The following PALLD variants were observed in gnomAD, a reference collection of about 807,000 sequenced individuals.
The protein encoded by PALLD is palladin, cytoskeletal associated protein.
A neutral mutation model predicts 123.5 loss-of-function variants in PALLD; 61 were observed. The ratio of observed to expected loss-of-function variants is 0.49; its 90% confidence interval spans 0.40 to 0.61. The LOEUF (loss-of-function observed/expected upper bound fraction) is 0.61. PALLD is among the 20% of genes least tolerant of loss of function. PALLD has a pLI of 0.00. For missense variants in PALLD, 1,273 were observed against 1,377.0 expected (o/e 0.92, Z 1.20); for synonymous variants, 465 against 496.4 (o/e 0.94, Z 0.84).
At chr4:168,764,703 G>C (rs905797403) in intron 10 of PALLD, among the ~76,000 whole-genome samples, 1 of 152,030 alleles carries the variant, frequency 6.6e-6, no homozygotes, top group East Asian at 1.9e-4. Context: ...ATTCTTCTCA[G>C]ATTCAAAGAT....
chr4:168,616,207 A>AT (rs1774212980), intron 2 of PALLD, among the ~76,000 whole-genome samples: 1 of 152,118 alleles, frequency 6.6e-6, no homozygotes, highest in Admixed American at 6.5e-5. Context: ...AACTTGTTTT[A>AT]TTTTGAATCG....
At chr4:168,603,156 T>G (rs1483929382) in intron 2 of PALLD, among the ~76,000 whole-genome samples, 1 of 152,204 alleles carries the variant, frequency 6.6e-6, no homozygotes, top group African/African-American at 2.4e-5. Flanking sequence ...TATTTATCTC[T>G]AATTTAAGGA....
At chr4:168,771,574 T>C (rs1164976279) in intron 10 of PALLD, among the ~76,000 whole-genome samples, 3 of 151,852 alleles carry the variant, frequency 2.0e-5, no homozygotes, top group African/African-American at 7.3e-5. Context: ...AGTCTGGGCA[T>C]TGACCTTCAC....
At chr4:168,923,466 T>C (rs1761977469) in intron 18 of PALLD, among the ~76,000 whole-genome samples, 1 of 152,200 alleles carries the variant, frequency 6.6e-6, no homozygotes, top group Non-Finnish European at 1.5e-5. Context: ...TTATTCATTC[T>C]CTGAAGTACT....
At chr4:168,795,710 C>CTTT (rs10632080) in intron 10 of PALLD, among the ~76,000 whole-genome samples, 45 of 144,792 alleles carry the variant, frequency 3.1e-4, no homozygotes, top group Admixed American at 1.0e-3. Context: ...CCCTAATTGT[C>CTTT]TTTTTTTTTT....
chr4:168,553,686 T>G (rs1766975979), intron 2 of PALLD, among the ~76,000 whole-genome samples: 1 of 151,762 alleles, frequency 6.6e-6, no homozygotes, highest in African/African-American at 2.4e-5. Flanking sequence ...TTTACCCATT[T>G]TTGTTGTTGT....
At position 168,709,165 on chromosome 4, in the gene PALLD, A is replaced by G. The variant is rs1421269053; in HGVS notation, c.1621+18A>G. ...CACCTCAGGTATGTGAGGAGTAAAA[A>G]AAATGACTGGGTTCTGTTCCCCAGC... On this transcript the variant is annotated intron_variant, in intron 9 of 21. Transcript: ENST00000505667. 1 of 1,613,278 alleles carries G rather than the reference A, an allele frequency of 6.2e-7. No homozygotes were observed. The highest frequency in any genetic ancestry group is 1.7e-5 in the Admixed American group (1 of 60,000).
At chr4:168,774,636 G>A (rs868297988) in intron 10 of PALLD, among the ~76,000 whole-genome samples, 3 of 150,152 alleles carry the variant, frequency 2.0e-5, no homozygotes, top group Non-Finnish European at 4.4e-5. Flanking sequence ...ACTAAGGCAT[G>A]AGAATTGCGT....
At chr4:168,576,481 C>T (rs1283804572) in intron 2 of PALLD, among the ~76,000 whole-genome samples, 4 of 152,036 alleles carry the variant, frequency 2.6e-5, no homozygotes, top group South Asian at 4.2e-4. Context: ...TGAGAACATG[C>T]GGTGTTGTGG....
rs1404049802 is a variant in PALLD, at chr4:168,511,552, C to T, written c.48C>T (p.Asp16=). 5 of 1,614,052 alleles carry T rather than the reference C, an allele frequency of 3.1e-6. No homozygotes were observed. The highest frequency in any genetic ancestry group is 1.7e-5 in the Admixed American group (1 of 60,028). The change falls in exon 2 of 22, where the codon GAC becomes GAT. Residue 16 remains aspartate (D), a synonymous_variant. Transcript: ENST00000505667. ...SHESFYDSLS[D]MQEESKNTDF... is the part of the protein sequence containing the mutation. The stretch of plus-strand genomic sequence containing the variant: ...AGTCCTTCTATGACTCCCTCTCAGA[C>T]ATGCAGGAAGAAAGCAAGAATACTG...
chr4:168,646,972 T>TA (rs1417882264), intron 2 of PALLD, among the ~76,000 whole-genome samples: 5 of 152,330 alleles, frequency 3.3e-5, no homozygotes, highest in Non-Finnish European at 7.3e-5. Flanking sequence ...TTATAACACA[T>TA]ACAACCAATA....
intron 2 of PALLD, among the ~76,000 whole-genome samples, chr4:168,554,115 C>T (rs1165736184): frequency 6.6e-6 from 1 of 152,162 alleles, no homozygotes; most frequent in South Asian, 2.1e-4. Flanking sequence ...GGACATCCTT[C>T]GGCTTGTACA....
chr4:168,626,112 A>C (rs1217760286), intron 2 of PALLD, among the ~76,000 whole-genome samples: 1 of 141,870 alleles, frequency 7.0e-6, no homozygotes, highest in East Asian at 2.1e-4. Context: ...AAATACAAAA[A>C]AAAATTAGCC....
chr4:168,622,979 A>C (rs1461411913), intron 2 of PALLD, among the ~76,000 whole-genome samples: 1 of 152,246 alleles, frequency 6.6e-6, no homozygotes, highest in African/African-American at 2.4e-5. Flanking sequence ...AACAGCATTA[A>C]CATTTTCATA....
At chr4:168,788,870 A>T (rs1737120228) in intron 10 of PALLD, among the ~76,000 whole-genome samples, 1 of 152,260 alleles carries the variant, frequency 6.6e-6, no homozygotes, top group Admixed American at 6.5e-5. Flanking sequence ...TAATGGCAAT[A>T]AATGAATGAG....
chr4:168,911,116 T>A (rs1758857506), intron 15 of PALLD, among the ~76,000 whole-genome samples: 1 of 152,164 alleles, frequency 6.6e-6, no homozygotes, highest in South Asian at 2.1e-4. Flanking sequence ...CCTTAAAACA[T>A]CCTTGTGAGA....
chr4:168,922,147 G>T, intron 18 of PALLD, among the ~76,000 whole-genome samples: 1 of 139,524 alleles, frequency 7.2e-6, no homozygotes, highest in African/African-American at 2.7e-5. Context: ...ACACACACCT[G>T]GTTTTTAAAA....
chr4:168,802,485 A>G (rs1412452549), intron 10 of PALLD, among the ~76,000 whole-genome samples: 2 of 152,248 alleles, frequency 1.3e-5, no homozygotes, highest in African/African-American at 4.8e-5. Context: ...TGGAAAATCA[A>G]ATGTTGCATG....
At chr4:168,783,550 G>T (rs568546287) in intron 10 of PALLD, among the ~76,000 whole-genome samples, 13 of 152,274 alleles carry the variant, frequency 8.5e-5, no homozygotes, top group Admixed American at 4.6e-4. Flanking sequence ...AAAGAAAGCA[G>T]GTAACTAGGC....
Sources: gnomAD v4.1 joint callset for allele counts (sites outside exome capture counted in the v4.1 genomes callset) on GRCh38, gnomAD v4.1.1 for gene constraint, MANE v1.5 for transcripts, NCBI Gene and HGNC (gene_info 2026-07-23, HGNC 2026-07-21) for gene names.